The following VPS13D variants were observed in gnomAD, a reference collection of about 807,000 sequenced individuals.
The protein encoded by VPS13D is intermembrane lipid transfer protein VPS13D.
A neutral mutation model predicts 461.9 loss-of-function variants in VPS13D; 187 were observed. That is an observed-to-expected ratio of 0.40 (90% CI 0.36 to 0.46). The LOEUF is 0.46. Among genes scored for constraint, VPS13D ranks in the 20% least tolerant of loss-of-function variants. The pLI, the probability that VPS13D is intolerant of heterozygous loss-of-function variation, is 0.60. For synonymous variants in VPS13D, 1,951 were observed against 1,986.3 expected, an observed-to-expected ratio of 0.98 and a Z score of 0.47; for missense variants, 4,711 against 5,364.9, an observed-to-expected ratio of 0.88 and a Z score of 3.81.
At position 12,273,050 on chromosome 1, in the gene VPS13D, G is replaced by C. The variant is rs780731109; in HGVS notation, c.2151G>C (p.Gln717His). 6.2e-7 allele frequency: 1 copy of C among 1,613,978 alleles called. No individual in the cohort carries two copies. Among genetic ancestry groups the C allele is most frequent in the African/African-American group, 1.3e-5 (1 of 74,912 alleles). The stretch of plus-strand genomic sequence containing the variant: ...TGCGGCTGGATATTTCTGCCCCTCA[G>C]GTGATATTTCCTGATGATTTCAAAT... Reference protein sequence around the residue: ...WTVRLDISAPQVIFPDDFKFK... With the variant: ...WTVRLDISAPHVIFPDDFKFK... Residue 717 changes from glutamine to histidine, a missense_variant, in exon 18 of 70, where the codon CAG becomes CAC. This residue lies in a region of VPS13D where 4,411 missense variants were observed against 4,937.8 expected (regional missense o/e 0.89). Coordinates refer to ENST00000620676, the MANE Select transcript of VPS13D (RefSeq NM_015378.4).
In VPS13D at chr1:12,460,219, C is replaced by T; in HGVS notation, c.12485C>T (p.Thr4162Ile). 1 of 1,605,374 alleles carries T rather than the reference C, an allele frequency of 6.2e-7. No homozygotes were observed. The highest frequency in any genetic ancestry group is 8.5e-7 in the Non-Finnish European group (1 of 1,175,750). The change falls in exon 67 of 70, where the codon ACC becomes ATC. Residue 4162 changes from threonine (T) to isoleucine (I), a missense_variant. By Grantham distance (89) the Thr-to-Ile change is moderately conservative. Transcript: ENST00000620676. Reference sequence around the variant, plus strand: ...TCACTAGGTATCATTGGTGGACTGACCAGTGTTATAACTTCGACAGTGGAA... The same window carrying T: ...TCACTAGGTATCATTGGTGGACTGATCAGTGTTATAACTTCGACAGTGGAA... ...GLAHGIIGGL[T>I]SVITSTVEGV...
chr1:12,477,031 A>G lies in VPS13D; in HGVS notation c.12662+16635A>G, dbSNP rs139003144. 3.9e-3 allele frequency among the ~76,000 whole-genome samples: 601 copies of G among 152,352 alleles called. 4 individuals are homozygous for G. The highest frequency in any genetic ancestry group is 0.014 in the African/African-American group (577 of 41,584). ...CCACTGGCTTCACTGAACCCCATCA[A>G]AGAAGTCTGCTTCTGCCCGGAATTG... is the stretch of plus-strand genomic sequence containing the variant. On this transcript the variant is annotated intron_variant, in intron 67 of 69. Coordinates refer to ENST00000620676, the MANE Select transcript of VPS13D (RefSeq NM_015378.4).
rs116764282 is a variant in VPS13D at position 12,306,653 on chromosome 1, A to G, written c.6440-1778A>G. Among the ~76,000 whole-genome samples, 762 of 152,318 alleles carry G rather than the reference A, an allele frequency of 5.0e-3. 2 individuals are homozygous for G. The highest frequency in any genetic ancestry group is 0.018 in the African/African-American group (736 of 41,564). On this transcript the variant is annotated intron_variant, in intron 26 of 69. Transcript: ENST00000620676. The stretch of plus-strand genomic sequence containing the variant: ...GTCTTGGATTAAGACAGTGGTTTTC[A>G]CACTGTTTCCATGTAATCCTAGGAT...
At chr1:12,272,561 C>A (rs1297337480) in intron 17 of VPS13D, among the ~76,000 whole-genome samples, 1 of 152,092 alleles carries the variant, frequency 6.6e-6, no homozygotes, top group Non-Finnish European at 1.5e-5. Context: ...ATGAACAAAT[C>A]ATGAATTGGT....
At chr1:12,446,299 C>T (rs922027015) in intron 65 of VPS13D, among the ~76,000 whole-genome samples, 9 of 152,046 alleles carry the variant, frequency 5.9e-5, no homozygotes, top group Non-Finnish European at 7.4e-5. Flanking sequence ...TGCCTGTAAT[C>T]CCAGTCACTC....
intron 67 of VPS13D, among the ~76,000 whole-genome samples, chr1:12,483,861 G>A (rs982203254): frequency 5.9e-5 from 9 of 152,084 alleles, no homozygotes; most frequent in Non-Finnish European, 8.8e-5. Flanking sequence ...ACCTGGGTGT[G>A]GTGGCGCACC....
chr1:12,248,962 A>G (rs1400697456), intron 5 of VPS13D, among the ~76,000 whole-genome samples: 1 of 152,214 alleles, frequency 6.6e-6, no homozygotes, highest in Non-Finnish European at 1.5e-5. Flanking sequence ...ATAATATAAC[A>G]TAACATAATA....
intron 2 of VPS13D, among the ~76,000 whole-genome samples, chr1:12,235,035 T>G (rs578188850): frequency 5.3e-4 from 80 of 152,344 alleles, no homozygotes; most frequent in Non-Finnish European, 9.7e-4. Context: ...TCCCTTTCCT[T>G]GTTTTAATTT....
intron 30 of VPS13D, 83 bp downstream of exon 30, chr1:12,314,410 A>G (rs370007343): frequency 1.0e-5 from 14 of 1,370,096 alleles, no homozygotes; most frequent in African/African-American, 1.4e-5. Context: ...TAGAACATCA[A>G]AAAACCAAGG....
At chr1:12,357,289 G>A (rs1320808244) in intron 49 of VPS13D, among the ~76,000 whole-genome samples, 1 of 152,222 alleles carries the variant, frequency 6.6e-6, no homozygotes, top group Non-Finnish European at 1.5e-5. Context: ...ACAAGGGAAG[G>A]TTGGAGTGTA....
chr1:12,377,274 G>T (rs1644212246), intron 55 of VPS13D, among the ~76,000 whole-genome samples: 1 of 150,674 alleles, frequency 6.6e-6, no homozygotes, highest in African/African-American at 2.4e-5. Context: ...TGGCCAGGCT[G>T]GTCTTGAACT....
chr1:12,379,520 G>T lies in VPS13D; in HGVS notation c.11114G>T (p.Arg3705Leu). The T allele has an allele frequency of 6.2e-7, 1 of 1,612,864 alleles. No homozygotes were observed. The highest frequency in any genetic ancestry group is 8.5e-7 in the Non-Finnish European group (1 of 1,179,478). Residue 3705 changes from arginine (R) to leucine (L), a missense_variant, in exon 57 of 70, where the codon CGC becomes CTC. Arg to Leu is a moderately radical substitution (Grantham distance 102, BLOSUM62 -2). Around this residue, in one of 3 missense-constraint regions of VPS13D, gnomAD observed 4,411 missense variants for 4,937.8 expected, o/e 0.89. Transcript: ENST00000620676. The part of the protein sequence containing the change: ...YEPLMLRKPD[R>L]RRSTTQTWSF... ...CCACTGATGCTGAGAAAGCCTGACC[G>T]CAGGCGAAGCACAACTCAGACGTGG...
In VPS13D at chr1:12,345,355, T is replaced by C; in HGVS notation, c.8886-19T>C. On this transcript the variant is annotated intron_variant, in intron 42 of 69. Transcript: ENST00000620676. The stretch of plus-strand genomic sequence containing the variant: ...CTGGAGATTGTGCCTAATATCTTTT[T>C]CTTTGTTCTGCCTGACAGACACACC... 1 of 1,596,748 alleles carries C rather than the reference T, an allele frequency of 6.3e-7. No homozygotes were observed. Among genetic ancestry groups the C allele is most frequent in the South Asian group, 1.1e-5 (1 of 89,944 alleles).
rs1449831177 is a variant in VPS13D, at chr1:12,299,095, AT to A, written c.6034-103del. The A allele has an allele frequency of 5.5e-6, 6 of 1,091,638 alleles. No homozygotes were observed. The highest frequency in any genetic ancestry group is 2.6e-6 in the Non-Finnish European group (2 of 775,452). The allele number at this position is 1,091,638 out of a possible 1,614,324, so 67.6% of individuals were successfully genotyped here. On this transcript the variant is annotated intron_variant, in intron 24 of 69. Transcript: ENST00000620676. The surrounding 1 kb of genome is among the most constrained non-coding windows in gnomAD (Gnocchi z 4.2). ...GTGGTCATAGAATATGCTCTGTATG[AT>A]TTTAATTGTTTTATAAACTCACGAA...
At chr1:12,504,079 C>G (rs1488615286) in intron 68 of VPS13D, among the ~76,000 whole-genome samples, 3 of 152,008 alleles carry the variant, frequency 2.0e-5, no homozygotes, top group Non-Finnish European at 4.4e-5. Context: ...ATATGAGGCT[C>G]CATTAGATAA....
At chr1:12,233,814 G>A (rs1640061965) in intron 1 of VPS13D, among the ~76,000 whole-genome samples, 1 of 152,146 alleles carries the variant, frequency 6.6e-6, no homozygotes, top group South Asian at 2.1e-4. Context: ...TTGGGTGGCT[G>A]AGGCGGGTGG....
intron 68 of VPS13D, among the ~76,000 whole-genome samples, chr1:12,504,426 G>A (rs763189016): frequency 3.9e-5 from 6 of 152,268 alleles, no homozygotes; most frequent in Admixed American, 6.5e-5. Context: ...TAGCAGCTTC[G>A]GGGCATGCAC....
intron 25 of VPS13D, among the ~76,000 whole-genome samples, chr1:12,300,638 G>C (rs1047811052): frequency 6.6e-6 from 1 of 152,182 alleles, no homozygotes; most frequent in African/African-American, 2.4e-5. Context: ...AACAGTGTTT[G>C]GAGGTAATTA....
chr1:12,419,644 T>C (rs1415839716), intron 65 of VPS13D, among the ~76,000 whole-genome samples: 5 of 152,130 alleles, frequency 3.3e-5, no homozygotes, highest in African/African-American at 7.2e-5. Flanking sequence ...CTCAATATCA[T>C]GAACACCAAG....
Sources: gnomAD v4.1 joint callset for allele counts (sites outside exome capture counted in the v4.1 genomes callset) on GRCh38, gnomAD v4.1.1 for gene constraint, gnomAD v4.1.1 regional missense constraint, Gnocchi (gnomAD v3.1) non-coding constraint, MANE v1.5 for transcripts, NCBI Gene and HGNC (gene_info 2026-07-23, HGNC 2026-07-21) for gene names.